FSTL5: variants seen among roughly 807,000 people sequenced by gnomAD.
FSTL5 encodes the protein follistatin like 5.
Under a neutral mutation model 89.1 loss-of-function variants are expected in FSTL5, and 62 were observed. The observed-to-expected ratio is 0.70, with a 90% CI of 0.57 to 0.86. The LOEUF is 0.86. Ranked by LOEUF, FSTL5 falls within the 40% of genes least tolerant of loss-of-function variation. The probability of loss-of-function intolerance (pLI) is 0.00; values close to 1 mark genes in which losing one functional copy is unlikely to be tolerated. For missense variants in FSTL5, 1,057 were observed against 1,001.6 expected, an observed-to-expected ratio of 1.06 and a Z score of -0.75; for synonymous variants, 383 against 346.2, an observed-to-expected ratio of 1.11 and a Z score of -1.18.
chr4:161,911,705 G>A (rs1579187573), intron 4 of FSTL5, among the ~76,000 whole-genome samples: 1 of 152,144 alleles, frequency 6.6e-6, no homozygotes, highest in Admixed American at 6.6e-5. Flanking sequence ...TAGATGATAT[G>A]ATGTCTTAAA....
chr4:162,154,711 T>C (rs903900938), intron 1 of FSTL5, among the ~76,000 whole-genome samples: 12 of 152,092 alleles, frequency 7.9e-5, no homozygotes, highest in Admixed American at 7.2e-4. Context: ...TAGTCCTAAA[T>C]GTACAAAGCA....
intron 3 of FSTL5, among the ~76,000 whole-genome samples, chr4:161,928,628 G>A (rs191518762): frequency 3.0e-4 from 46 of 151,766 alleles, no homozygotes; most frequent in Admixed American, 1.1e-3. Context: ...GGTAGTTGTG[G>A]TATCTTGAAG....
intron 4 of FSTL5, among the ~76,000 whole-genome samples, chr4:161,863,615 C>A (rs1325928997): frequency 2.0e-5 from 3 of 152,154 alleles, no homozygotes; most frequent in African/African-American, 7.2e-5. Context: ...TTTTCCAATT[C>A]CTGGTTTCCA....
chr4:161,791,250 G>A (rs1282077605), intron 4 of FSTL5, among the ~76,000 whole-genome samples: 1 of 152,162 alleles, frequency 6.6e-6, no homozygotes, highest in East Asian at 1.9e-4. Flanking sequence ...GGGTGATGGA[G>A]AGAAAAGAAA....
Position 161,455,146 on chromosome 4 carries a change from T to G in FSTL5, c.1717-18A>C. 6.4e-7 allele frequency: 1 copy of G among 1,574,210 alleles called. No homozygotes were observed. Among genetic ancestry groups the G allele is most frequent in the Non-Finnish European group, 8.6e-7 (1 of 1,164,388 alleles). ...GTAATTACCTAAAGAGAACACACCT[T>G]GGTTAGACCTCAACAATGCAGTCAC... On this transcript the variant is annotated intron_variant, in intron 14 of 15. Coordinates refer to ENST00000306100, the MANE Select transcript of FSTL5 (RefSeq NM_020116.5).
At chr4:162,141,106 C>CTGT (rs1393343548) in intron 1 of FSTL5, among the ~76,000 whole-genome samples, 1 of 44,008 alleles carries the variant, frequency 2.3e-5, no homozygotes, top group Non-Finnish European at 4.2e-5. Flanking sequence ...TCCCTTCTCT[C>CTGT]TTTTTTTTTT....
chr4:162,026,032 G>C (rs1223036740), intron 3 of FSTL5, among the ~76,000 whole-genome samples: 1 of 150,910 alleles, frequency 6.6e-6, no homozygotes, highest in Non-Finnish European at 1.5e-5. Context: ...TGTTTATAGT[G>C]TCTGGACAGA....
chr4:161,992,498 G>C (rs924702571), intron 3 of FSTL5, among the ~76,000 whole-genome samples: 2 of 151,988 alleles, frequency 1.3e-5, no homozygotes, highest in South Asian at 4.2e-4. Context: ...GGGAAAGACA[G>C]GGGGAGGAGC....
chr4:161,880,556 G>C (rs1365940814), intron 4 of FSTL5, among the ~76,000 whole-genome samples: 1 of 151,894 alleles, frequency 6.6e-6, no homozygotes. Context: ...CATTCACCTT[G>C]GACAAATAAA....
rs1484479012 is a variant in FSTL5 at position 161,400,108 on chromosome 4, T to C, written c.1842-13659A>G. Among the ~76,000 whole-genome samples, 15 of 152,228 alleles carry C rather than the reference T, an allele frequency of 9.9e-5. 1 individual carries two copies. In the South Asian group the frequency reaches 2.7e-3, roughly 27 times the overall value. On this transcript the variant is annotated intron_variant, in intron 15 of 15. Transcript: ENST00000306100. ...ACATTTCTAGACTACACGGTTGTTC[T>C]GAGAATTTTTTCAAATTGTCCAAAT...
chr4:161,646,901 A>G (rs1274857197), intron 7 of FSTL5, among the ~76,000 whole-genome samples: 1 of 152,088 alleles, frequency 6.6e-6, no homozygotes, highest in African/African-American at 2.4e-5. Flanking sequence ...TTTAATAGTA[A>G]CCTTTTATTA....
chr4:161,620,006 G>C (rs528068367), intron 7 of FSTL5, among the ~76,000 whole-genome samples: 38 of 152,130 alleles, frequency 2.5e-4, no homozygotes, highest in African/African-American at 8.9e-4. Flanking sequence ...ATACCATGCA[G>C]CCATAAAAAA....
chr4:161,925,148 G>A (rs1490224146), intron 3 of FSTL5, among the ~76,000 whole-genome samples: 2 of 151,728 alleles, frequency 1.3e-5, no homozygotes, highest in Admixed American at 6.6e-5. Context: ...TCAGCAAAAC[G>A]CAGTTCTAAT....
intron 3 of FSTL5, among the ~76,000 whole-genome samples, chr4:161,971,670 G>A (rs1735488083): frequency 6.6e-6 from 1 of 152,076 alleles, no homozygotes; most frequent in African/African-American, 2.4e-5. Flanking sequence ...GAGCTTAAAT[G>A]TCAGCACACA....
chr4:161,817,801 T>C (rs1161401108), intron 4 of FSTL5, among the ~76,000 whole-genome samples: 1 of 152,236 alleles, frequency 6.6e-6, no homozygotes, highest in Non-Finnish European at 1.5e-5. Flanking sequence ...TGCAATTCTC[T>C]CAAACAATTG....
chr4:161,496,896 A>G (rs1459799522), intron 12 of FSTL5, among the ~76,000 whole-genome samples: 1 of 152,144 alleles, frequency 6.6e-6, no homozygotes, highest in East Asian at 1.9e-4. Flanking sequence ...CAGTAGAGGA[A>G]CAGACAGAGA....
At position 161,386,260 on chromosome 4, in the gene FSTL5, G is replaced by A. The variant is rs1227568175; in HGVS notation, c.2031C>T (p.Val677=). ...PDSTGAVSPQ[V]MVDGVTDSVI... ...CTGAGTCAGTTACACCGTCCACCATGACCTGTGGGGAAACTGCTCCGGTGC... is the reference window on the plus strand; with the variant it reads ...CTGAGTCAGTTACACCGTCCACCATAACCTGTGGGGAAACTGCTCCGGTGC... Residue 677 remains valine (V), a synonymous_variant, in exon 16 of 16, where the codon GTC becomes GTT. Coordinates refer to ENST00000306100, the MANE Select transcript of FSTL5 (RefSeq NM_020116.5). 1.9e-6 allele frequency: 3 copies of A among 1,613,870 alleles called. No homozygotes were observed. Among genetic ancestry groups the A allele is most frequent in the African/African-American group, 2.7e-5 (2 of 74,892 alleles).
chr4:161,889,297 G>A (rs1732912215), intron 4 of FSTL5, among the ~76,000 whole-genome samples: 1 of 152,012 alleles, frequency 6.6e-6, no homozygotes, highest in Non-Finnish European at 1.5e-5. Context: ...GGTTTGATTG[G>A]CGAGAAGTGC....
Position 161,750,319 on chromosome 4 carries a change from T to G in FSTL5, c.727+9092A>C, listed in dbSNP as rs1740352839. Among the ~76,000 whole-genome samples, 3 of 152,280 alleles carry G rather than the reference T, an allele frequency of 2.0e-5. No individual in the cohort carries two copies. In the South Asian group the frequency reaches 6.2e-4, roughly 32 times the overall value. ...TTAACTACATGTGGCTATTGAACAT[T>G]TGGCTTATCCAATTGAGATATGCTG... On this transcript the variant is annotated intron_variant, in intron 6 of 15. Coordinates refer to ENST00000306100, the MANE Select transcript of FSTL5 (RefSeq NM_020116.5).
Sources: gnomAD v4.1 joint callset for allele counts (sites outside exome capture counted in the v4.1 genomes callset) on GRCh38, gnomAD v4.1.1 for gene constraint, MANE v1.5 for transcripts, NCBI Gene and HGNC (gene_info 2026-07-23, HGNC 2026-07-21) for gene names.